The following PVT1 variants were observed in gnomAD, a reference collection of about 807,000 sequenced individuals.
PVT1 encodes Pvt1 oncogene, also known as CXCR4/PVT1 fusion.
intron 4 of PVT1, among the ~76,000 whole-genome samples, chr8:128,024,534 G>A (rs1020871138): frequency 3.2e-4 from 48 of 152,228 alleles, no homozygotes; most frequent in African/African-American, 1.1e-3. Context: ...GCTAAGGTGG[G>A]AGGATCACCT....
At chr8:127,906,553 G>T (rs146382674) in intron 3 of PVT1, among the ~76,000 whole-genome samples, 1 of 152,306 alleles carries the variant, frequency 6.6e-6, no homozygotes, top group Non-Finnish European at 1.5e-5. Context: ...GAATGGGTGA[G>T]AAGTTGCTTA....
chr8:127,870,543 G>A (rs563633242), intron 2 of PVT1, among the ~76,000 whole-genome samples: 8 of 152,160 alleles, frequency 5.3e-5, no homozygotes, highest in Non-Finnish European at 8.8e-5. Flanking sequence ...GAAGTGGAGC[G>A]GGAGAATGAG....
chr8:127,927,749 AC>A (rs1199208373), intron 3 of PVT1, among the ~76,000 whole-genome samples: 2 of 151,946 alleles, frequency 1.3e-5, no homozygotes, highest in East Asian at 3.9e-4. Context: ...AGCCGTGCTG[AC>A]CCCCCAACCA....
intron 5 of PVT1, among the ~76,000 whole-genome samples, chr8:128,086,339 G>T (rs1586513472): frequency 6.6e-6 from 1 of 152,278 alleles, no homozygotes; most frequent in African/African-American, 2.4e-5. Context: ...TTCCTAGCAG[G>T]CTTGACGTTA....
chr8:127,963,697 A>G (rs554474755), intron 3 of PVT1, among the ~76,000 whole-genome samples: 12 of 152,092 alleles, frequency 7.9e-5, no homozygotes, highest in Admixed American at 3.9e-4. Context: ...TGTGTCAGGC[A>G]TGATTTTTGG....
At chr8:127,818,137 C>T (rs911250539) in intron 2 of PVT1, among the ~76,000 whole-genome samples, 1 of 152,190 alleles carries the variant, frequency 6.6e-6, no homozygotes, top group African/African-American at 2.4e-5. Flanking sequence ...TCAAGGTGAT[C>T]TTGACTTGCC....
chr8:127,931,814 G>C (rs1816209329), intron 3 of PVT1, among the ~76,000 whole-genome samples: 1 of 152,258 alleles, frequency 6.6e-6, no homozygotes, highest in Non-Finnish European at 1.5e-5. Flanking sequence ...ACACAGGCTG[G>C]AGGTGCTCAT....
intron 2 of PVT1, among the ~76,000 whole-genome samples, chr8:127,823,940 C>T (rs1041975456): frequency 7.2e-5 from 11 of 152,204 alleles, no homozygotes; most frequent in Non-Finnish European, 2.9e-5. Flanking sequence ...CGCCTGTAAT[C>T]CCAGCAGTTC....
intron 4 of PVT1, among the ~76,000 whole-genome samples, chr8:128,040,675 A>G (rs1813519591): frequency 6.6e-6 from 1 of 152,224 alleles, no homozygotes; most frequent in Non-Finnish European, 1.5e-5. Context: ...GGGGCCGCAC[A>G]GCACAGATTA....
intron 2 of PVT1, among the ~76,000 whole-genome samples, chr8:127,856,908 T>C (rs142079472): frequency 2.6e-5 from 4 of 152,284 alleles, no homozygotes; most frequent in African/African-American, 9.6e-5. Context: ...CCATTTGATA[T>C]ATTAGTTACT....
At chr8:128,092,519 G>A in intron 5 of PVT1, among the ~76,000 whole-genome samples, 1 of 152,200 alleles carries the variant, frequency 6.6e-6, no homozygotes, top group Non-Finnish European at 1.5e-5. Context: ...GGCTTGCTGG[G>A]GACACATACG....
chr8:127,985,656 C>T (rs1266939441), intron 3 of PVT1, among the ~76,000 whole-genome samples: 2 of 152,122 alleles, frequency 1.3e-5, no homozygotes, highest in East Asian at 3.9e-4. Flanking sequence ...GAAGCAGTGT[C>T]TGTTTCTGTG....
chr8:127,829,282 G>GA (rs949551990), intron 2 of PVT1, among the ~76,000 whole-genome samples: 4 of 151,474 alleles, frequency 2.6e-5, no homozygotes, highest in South Asian at 2.1e-4. Context: ...CATCTCAGGG[G>GA]AAAAAAAATG....
intron 2 of PVT1, among the ~76,000 whole-genome samples, chr8:127,889,939 C>T (rs1815579077): frequency 6.6e-6 from 1 of 152,160 alleles, no homozygotes; most frequent in Non-Finnish European, 1.5e-5. Context: ...ATTTGTTCTT[C>T]AGTTATCTTT....
chr8:128,008,123 G>A (rs4733827), intron 4 of PVT1, among the ~76,000 whole-genome samples: 100,857 of 152,124 alleles, frequency 0.66, 34,057 homozygotes, highest in African/African-American at 0.79. Context: ...TTAAGGAGCA[G>A]TGATTCTTTA....
intron 4 of PVT1, among the ~76,000 whole-genome samples, chr8:128,028,078 C>T (rs1017095372): frequency 6.6e-6 from 1 of 152,238 alleles, no homozygotes; most frequent in Non-Finnish European, 1.5e-5. Context: ...CCAAACCAGC[C>T]CACACGGCCT....
At chr8:127,968,542 T>G (rs987229087) in intron 3 of PVT1, among the ~76,000 whole-genome samples, 1 of 152,186 alleles carries the variant, frequency 6.6e-6, no homozygotes, top group African/African-American at 2.4e-5. Context: ...ATTATGTTCC[T>G]GTTAACTGAA....
intron 4 of PVT1, among the ~76,000 whole-genome samples, chr8:127,999,812 A>T (rs1817154720): frequency 6.6e-6 from 1 of 152,204 alleles, no homozygotes; most frequent in Non-Finnish European, 1.5e-5. Flanking sequence ...TTGACTGACA[A>T]AAGAAGGTAA....
intron 2 of PVT1, among the ~76,000 whole-genome samples, chr8:127,830,430 T>C (rs899503957): frequency 1.3e-5 from 2 of 148,804 alleles, no homozygotes; most frequent in Non-Finnish European, 3.0e-5. Context: ...GGGGAAACCA[T>C]ATTGCTTTAT....
Sources: allele counts gnomAD v4.1 joint callset (sites outside exome capture counted in the v4.1 genomes callset), GRCh38; gene constraint gnomAD v4.1.1; transcripts MANE v1.5; gene names NCBI Gene and HGNC (gene_info 2026-07-23, HGNC 2026-07-21).